The following PIGG variants were observed in gnomAD, a reference collection of about 807,000 sequenced individuals.
PIGG encodes phosphatidylinositol glycan anchor biosynthesis class G (EMM blood group), also known as GPI ethanolamine phosphate transferase 2, catalytic subunit.
Under a neutral mutation model 83.2 loss-of-function variants are expected in PIGG, and 70 were observed. The observed-to-expected ratio is 0.84, with a 90% CI of 0.69 to 1.03. The LOEUF (loss-of-function observed/expected upper bound fraction) is 1.03, where lower values mean the gene tolerates loss of function less well. PIGG is among the 50% of genes least tolerant of loss of function. The probability of loss-of-function intolerance (pLI) is 0.00; values close to 1 mark genes in which losing one functional copy is unlikely to be tolerated. For synonymous variants in PIGG, 532 were observed against 519.5 expected (o/e 1.02, Z -0.33); for missense variants, 1,257 against 1,233.6 (o/e 1.02, Z -0.28).
At position 506,406 on chromosome 4, in the gene PIGG, TC is replaced by T. The variant is rs1223453023; in HGVS notation, c.570+481del. Among the ~76,000 whole-genome samples, 5 of 152,194 alleles carry T rather than the reference TC, an allele frequency of 3.3e-5. No homozygotes were observed. The East Asian group carries it at 9.7e-4, about 29-fold the overall frequency. ...CCTGAGGGGGTTTTCCTGGAGCTTT[TC>T]CAACAAAAATTAGACCTGCATGTTA... On this transcript the variant is annotated intron_variant, in intron 3 of 12. Coordinates refer to ENST00000453061, the MANE Select transcript of PIGG (RefSeq NM_001127178.3).
Position 528,760 on chromosome 4 carries a change from T to C in PIGG, c.2261+1530T>C. 1 of 982,564 alleles carries C rather than the reference T, an allele frequency of 1.0e-6. No individual in the cohort carries two copies. 60.9% of individuals were successfully genotyped at this position (982,564 alleles called of 1,614,324 possible). ...TTTCAGCATCACTCATCTCAAGACCTTGGCCCTCTTCCCTTTCCTGGCCTG... is the reference window on the plus strand; with the variant it reads ...TTTCAGCATCACTCATCTCAAGACCCTGGCCCTCTTCCCTTTCCTGGCCTG... On this transcript the variant is annotated intron_variant, in intron 10 of 12. Transcript: ENST00000453061. The surrounding 1 kb of genome is among the most constrained non-coding windows in gnomAD (Gnocchi z 4.8).
chr4:508,309 T>C (rs1029836654), intron 4 of PIGG, among the ~76,000 whole-genome samples: 1 of 152,200 alleles, frequency 6.6e-6, no homozygotes, highest in Non-Finnish European at 1.5e-5. Context: ...TGCACGAGTG[T>C]TCCAGGAGGA....
intron 2 of PIGG, among the ~76,000 whole-genome samples, chr4:502,880 T>C (rs1295133482): frequency 6.6e-6 from 1 of 151,916 alleles, no homozygotes; most frequent in East Asian, 1.9e-4. Flanking sequence ...GAAGAAATTA[T>C]TGACAGTGGA....
At chr4:524,837 T>C (rs1727135326) in intron 9 of PIGG, 1 of 152,224 alleles carries the variant, frequency 6.6e-6, no homozygotes, top group Non-Finnish European at 1.5e-5. Flanking sequence ...TTTGTGTTTT[T>C]AGTGGAGATG....
chr4:526,385 C>G (rs1404599925), intron 9 of PIGG, among the ~76,000 whole-genome samples: 1 of 152,230 alleles, frequency 6.6e-6, no homozygotes, highest in Non-Finnish European at 1.5e-5. Flanking sequence ...TCACACAGGC[C>G]AGGACTGGCT....
chr4:501,330 T>C (rs1231650677), intron 2 of PIGG, among the ~76,000 whole-genome samples: 1 of 152,146 alleles, frequency 6.6e-6, no homozygotes, highest in African/African-American at 2.4e-5. Context: ...AAACATGCAG[T>C]TGTAAAGTGT....
intron 9 of PIGG, chr4:526,819 A>C: frequency 1.7e-6 from 1 of 589,074 alleles, no homozygotes; most frequent in Admixed American, 3.1e-5. Flanking sequence ...AAGTGCTGGG[A>C]TTGCTGGTGT....
chr4:511,077 T>G lies in PIGG; in HGVS notation c.901+2107T>G, dbSNP rs544969452. On this transcript the variant is annotated intron_variant, in intron 5 of 12. Coordinates refer to ENST00000453061, the MANE Select transcript of PIGG (RefSeq NM_001127178.3). ...GGGAGACTGAGGTGGGTGGATCACC[T>G]GAGATCGGGAGTTCGAGACCAGCCT... Among the ~76,000 whole-genome samples, 4 of 152,262 alleles carry G rather than the reference T, an allele frequency of 2.6e-5. No individual in the cohort carries two copies. The South Asian group carries it at 6.2e-4, about 24-fold the overall frequency.
At chr4:523,981 CT>C (rs945225158) in intron 9 of PIGG, 68 bp downstream of exon 9, 763 of 1,042,408 alleles carry the variant, frequency 7.3e-4, no homozygotes, top group Non-Finnish European at 9.3e-4. Flanking sequence ...CCAAGCTCTT[CT>C]TTTTCTAAAT....
chr4:534,014 G>T, intron 12 of PIGG, 33 bp downstream of exon 12: 1 of 1,603,064 alleles, frequency 6.2e-7, no homozygotes, highest in Non-Finnish European at 8.5e-7. Flanking sequence ...GCACAGTTCT[G>T]GGGGCCGGCT....
At chr4:512,324 AT>A (rs1207533682) in intron 5 of PIGG, among the ~76,000 whole-genome samples, 1 of 144,844 alleles carries the variant, frequency 6.9e-6, no homozygotes, top group Non-Finnish European at 1.5e-5. Context: ...GGTTCAAGCT[AT>A]TCTCCTGCCT....
At chr4:502,763 G>A (rs1441008500) in intron 2 of PIGG, among the ~76,000 whole-genome samples, 2 of 152,110 alleles carry the variant, frequency 1.3e-5, no homozygotes, top group Non-Finnish European at 2.9e-5. Context: ...ACCCAAGCTA[G>A]TGTGAGGATG....
intron 1 of PIGG, 104 bp from the exon 2 acceptor site, chr4:500,292 G>A (rs1717162379): frequency 3.7e-6 from 3 of 807,964 alleles, no homozygotes; most frequent in Non-Finnish European, 6.0e-6. Context: ...TGTAGATATC[G>A]CAGGGTATGT....
At chr4:514,115 G>A (rs533264299) in intron 5 of PIGG, among the ~76,000 whole-genome samples, 9 of 152,266 alleles carry the variant, frequency 5.9e-5, no homozygotes, top group East Asian at 1.9e-4. Flanking sequence ...AGTCACAGTC[G>A]TATAATAAAC....
At chr4:512,541 T>G (rs9993903) in intron 5 of PIGG, among the ~76,000 whole-genome samples, 122,506 of 151,936 alleles carry the variant, frequency 0.81, 51,608 homozygotes, top group Non-Finnish European at 0.91. Flanking sequence ...ATTTCTGGCC[T>G]GGCACGGTGG....
chr4:504,492 A>C (rs1423420655), intron 2 of PIGG, among the ~76,000 whole-genome samples: 1 of 152,120 alleles, frequency 6.6e-6, no homozygotes, highest in Non-Finnish European at 1.5e-5. Flanking sequence ...AATTTTGGTG[A>C]ATTTCCAAAG....
intron 12 of PIGG, among the ~76,000 whole-genome samples, chr4:538,066 C>T (rs960887715): frequency 1.3e-5 from 2 of 151,100 alleles, no homozygotes; most frequent in African/African-American, 4.9e-5. Context: ...CACACCCACA[C>T]ACACGTGCTG....
At chr4:510,398 C>T (rs555560706) in intron 5 of PIGG, among the ~76,000 whole-genome samples, 42 of 152,328 alleles carry the variant, frequency 2.8e-4, no homozygotes, top group Non-Finnish European at 2.9e-4. Context: ...CCACCCTGGG[C>T]GGGCCAGGTG....
intron 6 of PIGG, among the ~76,000 whole-genome samples, chr4:518,964 C>T (rs1242918711): frequency 1.3e-5 from 2 of 152,180 alleles, no homozygotes; most frequent in East Asian, 1.9e-4. Flanking sequence ...TTTTTCTCAC[C>T]TCTGGACTTT....
Sources: gnomAD v4.1 joint callset for allele counts (sites outside exome capture counted in the v4.1 genomes callset) on GRCh38, gnomAD v4.1.1 for gene constraint, Gnocchi (gnomAD v3.1) non-coding constraint, MANE v1.5 for transcripts, NCBI Gene and HGNC (gene_info 2026-07-23, HGNC 2026-07-21) for gene names.